The following CRB1 variants were observed in gnomAD, a reference collection of about 807,000 sequenced individuals.
The protein encoded by CRB1 is protein crumbs homolog 1.
Under a neutral mutation model 120.0 loss-of-function variants are expected in CRB1, and 83 were observed. That is an observed-to-expected ratio of 0.69 (90% CI 0.58 to 0.83). The LOEUF is 0.83. Among genes scored for constraint, CRB1 ranks in the 40% least tolerant of loss-of-function variants. CRB1 has a pLI of 0.00. For missense variants in CRB1, 1,699 were observed against 1,687.6 expected (o/e 1.01, Z -0.12); for synonymous variants, 625 against 612.5 (o/e 1.02, Z -0.30).
At chr1:197,335,278 A>C (rs1233440472) in intron 2 of CRB1, among the ~76,000 whole-genome samples, 2 of 152,188 alleles carry the variant, frequency 1.3e-5, no homozygotes, top group African/African-American at 4.8e-5. Context: ...CTTTTACTTT[A>C]AGTGAGATGG....
rs1011163263 is a variant in CRB1 at position 197,427,317 on chromosome 1, A to C, written c.2129-137A>C. 4.3e-6 allele frequency: 3 copies of C among 690,710 alleles called. No homozygotes were observed. The African/African-American group carries it at 5.4e-5, about 12-fold the overall frequency. The allele number at this position is 690,710 out of a possible 1,614,324, so 42.8% of individuals were successfully genotyped here. A position where few individuals can be genotyped will look rare whatever the true frequency, so the allele number is the denominator to read the frequency against. On this transcript the variant is annotated intron_variant, in intron 6 of 11. Transcript: ENST00000367400. The stretch of plus-strand genomic sequence containing the variant: ...TTTAATAAACCTGTCCTGAACTTTA[A>C]AAGCTATGTATGAGTGTGTATGCTT...
At chr1:197,242,788 G>C in the CRB1 span, among the ~76,000 whole-genome samples, 9 of 152,094 alleles carry the variant, frequency 5.9e-5, no homozygotes, top group Non-Finnish European at 1.5e-5. Context: ...ATTCAGCTGT[G>C]ATTCAGTCTG....
chr1:197,312,690 A>C (rs1258864359), intron 1 of CRB1, among the ~76,000 whole-genome samples: 1 of 152,218 alleles, frequency 6.6e-6, no homozygotes, highest in Non-Finnish European at 1.5e-5. Context: ...ATAAAATAAA[A>C]GAGAGCACTT....
At chr1:197,349,897 G>A (rs1659991581) in intron 4 of CRB1, among the ~76,000 whole-genome samples, 1 of 151,674 alleles carries the variant, frequency 6.6e-6, no homozygotes. Flanking sequence ...TCAGGAGATC[G>A]AGACCATCCT....
intron 5 of CRB1, among the ~76,000 whole-genome samples, chr1:197,396,942 A>C (rs1474400289): frequency 6.6e-6 from 1 of 152,148 alleles, no homozygotes; most frequent in African/African-American, 2.4e-5. Flanking sequence ...GGAATCTGAT[A>C]AATTGCACTT....
intron 1 of CRB1, among the ~76,000 whole-genome samples, chr1:197,305,319 G>C (rs1228355998): frequency 6.6e-6 from 1 of 152,034 alleles, no homozygotes; most frequent in Admixed American, 6.6e-5. Flanking sequence ...TGGGAGTCAA[G>C]TGTATAAACA....
At chr1:197,445,318 T>C (rs992001874) in intron 11 of CRB1, among the ~76,000 whole-genome samples, 4 of 152,196 alleles carry the variant, frequency 2.6e-5, no homozygotes, top group African/African-American at 9.6e-5. Flanking sequence ...ATGCCTCCTT[T>C]TTTGTGTGCG....
chr1:197,283,161 A>G (rs1256373394), intron 1 of CRB1, among the ~76,000 whole-genome samples: 1 of 151,910 alleles, frequency 6.6e-6, no homozygotes, highest in African/African-American at 2.4e-5. Flanking sequence ...TATGTAATCT[A>G]CAATATGCAA....
At chr1:197,225,861 C>G in the CRB1 span, among the ~76,000 whole-genome samples, 3 of 152,258 alleles carry the variant, frequency 2.0e-5, no homozygotes, top group East Asian at 5.8e-4. Context: ...TTTTGTCTAT[C>G]TTTTGAGCCT....
intron 1 of CRB1, among the ~76,000 whole-genome samples, chr1:197,322,527 T>G (rs567800144): frequency 7.2e-5 from 11 of 151,952 alleles, no homozygotes; most frequent in African/African-American, 2.7e-4. Flanking sequence ...TAATGCTTTA[T>G]CTATATTTGG....
chr1:197,455,124 C>G (rs1243519819), intron 11 of CRB1, among the ~76,000 whole-genome samples: 1 of 152,062 alleles, frequency 6.6e-6, no homozygotes, highest in African/African-American at 2.4e-5. Context: ...TCTAGGACAG[C>G]AGCCTAAACT....
intron 5 of CRB1, among the ~76,000 whole-genome samples, chr1:197,379,802 G>T (rs1226389140): frequency 2.6e-5 from 4 of 152,022 alleles, no homozygotes; most frequent in African/African-American, 9.7e-5. Context: ...CCTTGCACTG[G>T]GTAAGCTTTG....
intron 5 of CRB1, chr1:197,413,896 C>G: frequency 2.2e-6 from 1 of 456,378 alleles, no homozygotes; most frequent in Non-Finnish European, 4.4e-6. Flanking sequence ...ATCAGAAACT[C>G]ACTCTGTCAA....
At chr1:197,240,467 G>A in the CRB1 span, among the ~76,000 whole-genome samples, 3 of 152,116 alleles carry the variant, frequency 2.0e-5, no homozygotes, top group Non-Finnish European at 4.4e-5. Flanking sequence ...AACATGCAGT[G>A]TTTGGTTTTC....
At chr1:197,358,089 A>T (rs1405754464) in intron 5 of CRB1, 1 of 152,214 alleles carries the variant, frequency 6.6e-6, no homozygotes, top group Non-Finnish European at 1.5e-5. Context: ...ATATTTCCCA[A>T]TTATGTAAGC....
intron 2 of CRB1, among the ~76,000 whole-genome samples, chr1:197,341,718 C>T (rs571480056): frequency 6.6e-6 from 1 of 151,550 alleles, no homozygotes; most frequent in African/African-American, 2.4e-5. Flanking sequence ...CATTTTTTTT[C>T]CCAATGCACC....
At chr1:197,259,823 A>C in the CRB1 span, among the ~76,000 whole-genome samples, 1 of 152,136 alleles carries the variant, frequency 6.6e-6, no homozygotes, top group African/African-American at 2.4e-5. Context: ...ACTATCTGGA[A>C]GATAAACTGT....
At chr1:197,475,423 C>G (rs1027411453) in intron 11 of CRB1, among the ~76,000 whole-genome samples, 2 of 152,182 alleles carry the variant, frequency 1.3e-5, no homozygotes, top group Admixed American at 6.6e-5. Context: ...TGGGGTGATG[C>G]TGAATTTACC....
At chr1:197,406,165 C>G (rs1026142057) in intron 5 of CRB1, among the ~76,000 whole-genome samples, 2 of 152,186 alleles carry the variant, frequency 1.3e-5, no homozygotes, top group African/African-American at 4.8e-5. Context: ...ATTGAGAAAT[C>G]GGATGGTTGC....
Sources: allele counts gnomAD v4.1 joint callset (sites outside exome capture counted in the v4.1 genomes callset), GRCh38; gene constraint gnomAD v4.1.1; transcripts MANE v1.5; gene names NCBI Gene and HGNC (gene_info 2026-07-23, HGNC 2026-07-21).